Variants in C14orf180 observed in about 807,000 individuals in gnomAD.
C14orf180 encodes nutritionally-regulated adipose and cardiac enriched protein homolog.
Under a neutral mutation model 13.9 loss-of-function variants are expected in C14orf180, and 13 were observed. That is an observed-to-expected ratio of 0.94 (90% CI 0.61 to 1.49). The LOEUF is 1.49. Among genes scored for constraint, C14orf180 ranks in the 40% most tolerant of loss-of-function variants. The probability of loss-of-function intolerance (pLI) is 0.00; values close to 1 mark genes in which losing one functional copy is unlikely to be tolerated. For missense variants in C14orf180, 238 were observed against 232.0 expected, an observed-to-expected ratio of 1.03 and a Z score of -0.17; for synonymous variants, 113 against 106.3, an observed-to-expected ratio of 1.06 and a Z score of -0.39.
Position 104,588,781 on chromosome 14 carries a change from T to C in C14orf180, c.481T>C (p.Ter161ArgextTer24), listed in dbSNP as rs1886738118. 7.2e-6 allele frequency: 11 copies of C among 1,532,866 alleles called. No individual in the cohort carries two copies. Among genetic ancestry groups the C allele is most frequent in the Admixed American group, 2.0e-5 (1 of 50,766 alleles). 95.0% of individuals were successfully genotyped at this position (1,532,866 alleles called of 1,614,324 possible). A position where few individuals can be genotyped will look rare whatever the true frequency, so the allele number is the denominator to read the frequency against. ...CTGCTGGCGCGGCCTCCTGCGGCTC[T>C]GACGGGCAGGACGGGCAGGACGGGC... is the stretch of plus-strand genomic sequence containing the variant. ...LTCWRGLLRL[*>R] The change falls in exon 5 of 5, where the codon TGA (stop) becomes CGA (arginine). Residue 161 changes from the stop codon to arginine, a stop_lost. Transcript: ENST00000557649.
At chr14:104,585,151 C>A (rs1010195685) in intron 1 of C14orf180, among the ~76,000 whole-genome samples, 2 of 152,218 alleles carry the variant, frequency 1.3e-5, no homozygotes, top group East Asian at 3.9e-4. Context: ...AAACACCTGC[C>A]CTGTGAGGGG....
intron 1 of C14orf180, among the ~76,000 whole-genome samples, chr14:104,580,550 G>T (rs758726052): frequency 1.3e-5 from 2 of 152,158 alleles, no homozygotes; most frequent in African/African-American, 4.8e-5. Context: ...GGGCCTTGGT[G>T]GGGGGCATCC....
intron 1 of C14orf180, among the ~76,000 whole-genome samples, chr14:104,586,189 A>C (rs1344418731): frequency 6.6e-6 from 1 of 152,202 alleles, no homozygotes; most frequent in East Asian, 1.9e-4. Flanking sequence ...AGACCGTGGC[A>C]GCAAAGGAAA....
chr14:104,587,757 C>T lies in C14orf180; in HGVS notation c.120C>T (p.Asn40=), dbSNP rs972681427. ...PRVCRAERED[N]RKCPPSILKR... ...TCCCGCCCCCACACCAGGAGGACAA[C>T]AGGAAGTGCCCCCCCTCCATCCTGA... Residue 40 remains asparagine, a synonymous_variant, in exon 3 of 5, where the codon AAC becomes AAT. Transcript: ENST00000557649. 23 of 1,612,520 alleles carry T rather than the reference C, an allele frequency of 1.4e-5. No homozygotes were observed. The highest frequency in any genetic ancestry group is 1.9e-5 in the Non-Finnish European group (23 of 1,179,626).
intron 4 of C14orf180, 111 bp downstream of exon 4, chr14:104,588,420 C>G: frequency 6.5e-7 from 1 of 1,527,694 alleles, no homozygotes; most frequent in South Asian, 1.1e-5. Flanking sequence ...AAGGAGTCCC[C>G]AGTTGGGGAG....
intron 3 of C14orf180, 86 bp downstream of exon 3, chr14:104,587,964 T>G: frequency 1.4e-4 from 206 of 1,462,290 alleles, no homozygotes; most frequent in Non-Finnish European, 1.7e-4. Context: ...CACACAGCTC[T>G]GGCAGGGCCC....
Position 104,588,924 on chromosome 14 carries a change from A to G in C14orf180, c.*141A>G, listed in dbSNP as rs1274508041. On this transcript the variant is annotated 3_prime_UTR_variant, in exon 5 of 5. Transcript: ENST00000557649. ...CTGCTGCCTGAGGGCTAACTAGGAAAAGGGGGACCCCGTGGCGTGAGATCG... is the reference window on the plus strand; with the variant it reads ...CTGCTGCCTGAGGGCTAACTAGGAAGAGGGGGACCCCGTGGCGTGAGATCG... The G allele has an allele frequency of 6.9e-7, 1 of 1,442,560 alleles. No homozygotes were observed. The highest frequency in any genetic ancestry group is 9.1e-7 in the Non-Finnish European group (1 of 1,099,522). The allele number at this position is 1,442,560 out of a possible 1,614,324, so 89.4% of individuals were successfully genotyped here. A position where few individuals can be genotyped will look rare whatever the true frequency, so the allele number is the denominator to read the frequency against.
chr14:104,588,865 C>T lies in C14orf180; in HGVS notation c.*82C>T. On this transcript the variant is annotated 3_prime_UTR_variant, in exon 5 of 5. Transcript: ENST00000557649. ...CTCCGAGACAGCCTGAGCCCTGGCC[C>T]TGCTGCTTGGTGAATCATGGGGGCC... 1 of 1,496,666 alleles carries T rather than the reference C, an allele frequency of 6.7e-7. No homozygotes were observed. Among genetic ancestry groups the T allele is most frequent in the Non-Finnish European group, 8.9e-7 (1 of 1,123,490 alleles). The allele number at this position is 1,496,666 out of a possible 1,614,324, so 92.7% of individuals were successfully genotyped here.
rs1232740755 is a variant in C14orf180 at position 104,587,890 on chromosome 14, C to T, written c.241+12C>T. ...GGTGACCGTCCACTGTAAGAGGGCA[C>T]CCGCAGCAAGCAGCTGGGAGAGGGT... On this transcript the variant is annotated intron_variant, in intron 3 of 4. Transcript: ENST00000557649. 3 of 1,597,048 alleles carry T rather than the reference C, an allele frequency of 1.9e-6. No homozygotes were observed. The highest frequency in any genetic ancestry group is 1.1e-5 in the South Asian group (1 of 89,126).
At chr14:104,583,891 T>A (rs910018605) in intron 1 of C14orf180, among the ~76,000 whole-genome samples, 3 of 151,608 alleles carry the variant, frequency 2.0e-5, no homozygotes, top group Non-Finnish European at 4.4e-5. Context: ...GAAATACAAG[T>A]ACACATATGC....
At chr14:104,585,548 G>A (rs1342035894) in intron 1 of C14orf180, among the ~76,000 whole-genome samples, 1 of 152,246 alleles carries the variant, frequency 6.6e-6, no homozygotes, top group Admixed American at 6.5e-5. Flanking sequence ...CGGGGGTGGA[G>A]GCGAGGAGGC....
Position 104,581,466 on chromosome 14 carries a change from G to A in C14orf180, c.-17+1463G>A, listed in dbSNP as rs1886428465. 3 of 152,258 alleles carry A rather than the reference G, an allele frequency of 2.0e-5. No individual in the cohort carries two copies. In the South Asian group the frequency reaches 6.2e-4, roughly 31 times the overall value. 9.4% of individuals were successfully genotyped at this position (152,258 alleles called of 1,614,324 possible). A position where few individuals can be genotyped will look rare whatever the true frequency, so the allele number is the denominator to read the frequency against. The stretch of plus-strand genomic sequence containing the variant: ...CAGCCGGGGCCCTCAGGGCCGCTGA[G>A]GCCACTGCTCAGTGTCGCCGTAATG... On this transcript the variant is annotated intron_variant, in intron 1 of 4. Coordinates refer to ENST00000557649, the MANE Select transcript of C14orf180 (RefSeq NM_001008404.3).
chr14:104,588,913 C>A lies in C14orf180; in HGVS notation c.*130C>A. ...GCCAAAAGGGGCTGCTGCCTGAGGG[C>A]TAACTAGGAAAAGGGGGACCCCGTG... On this transcript the variant is annotated 3_prime_UTR_variant, in exon 5 of 5. Coordinates refer to ENST00000557649, the MANE Select transcript of C14orf180 (RefSeq NM_001008404.3). 1 of 1,451,770 alleles carries A rather than the reference C, an allele frequency of 6.9e-7. No individual in the cohort carries two copies. The highest frequency in any genetic ancestry group is 9.1e-7 in the Non-Finnish European group (1 of 1,103,646). The allele number at this position is 1,451,770 out of a possible 1,614,324, so 89.9% of individuals were successfully genotyped here.
At chr14:104,583,617 G>A (rs1186531811) in intron 1 of C14orf180, among the ~76,000 whole-genome samples, 3 of 151,980 alleles carry the variant, frequency 2.0e-5, no homozygotes, top group Admixed American at 6.6e-5. Flanking sequence ...GTGCTGTCCC[G>A]TAGGAAGTCC....
rs773770243 is a variant in C14orf180, at chr14:104,588,626, G to C, written c.326G>C (p.Cys109Ser). ...PHGGSLLLQL[C>S]VCVLLVLALG... ...GGCGGCTCCCTGCTCCTGCAGCTGT[G>C]TGTGTGCGTCCTGCTCGTGCTGGCC... The change falls in exon 5 of 5, where the codon TGT (cysteine) becomes TCT (serine). Residue 109 changes from cysteine (C) to serine (S), a missense_variant. Cys to Ser is a moderately radical substitution (Grantham distance 112, BLOSUM62 -1). Coordinates refer to ENST00000557649, the MANE Select transcript of C14orf180 (RefSeq NM_001008404.3). 1.9e-4 allele frequency: 281 copies of C among 1,503,834 alleles called. 2 individuals are homozygous for C. The highest frequency in any genetic ancestry group is 1.7e-5 in the Non-Finnish European group (19 of 1,127,686). The allele number at this position is 1,503,834 out of a possible 1,614,324, so 93.2% of individuals were successfully genotyped here.
chr14:104,588,056 C>T (rs911247689), intron 3 of C14orf180, among the ~76,000 whole-genome samples, 178 bp downstream of exon 3: 1 of 152,220 alleles, frequency 6.6e-6, no homozygotes, highest in Non-Finnish European at 1.5e-5. Flanking sequence ...TCTGGACACA[C>T]AGTCCCGGTC....
chr14:104,588,399 C>T, intron 4 of C14orf180, 90 bp downstream of exon 4: 1 of 1,576,776 alleles, frequency 6.3e-7, no homozygotes, highest in Non-Finnish European at 8.7e-7. Flanking sequence ...TGTCACAGGG[C>T]CAGGGCCTCT....
chr14:104,583,061 C>G (rs1441084135), intron 1 of C14orf180, among the ~76,000 whole-genome samples: 3 of 152,234 alleles, frequency 2.0e-5, no homozygotes, highest in Non-Finnish European at 4.4e-5. Flanking sequence ...AAGCGTGAAG[C>G]CCAGTTAGGG....
At position 104,588,171 on chromosome 14, in the gene C14orf180, A is replaced by G. The variant is rs751712603; in HGVS notation, c.242-103A>G. ...CTGGGCCTGGGTCTCTCACTGATGA[A>G]TAGTCTCAGGGTCCTTCGGGGGTGC... On this transcript the variant is annotated intron_variant, in intron 3 of 4. Transcript: ENST00000557649. 3.9e-4 allele frequency: 551 copies of G among 1,411,198 alleles called. 1 individual carries two copies. The highest frequency in any genetic ancestry group is 5.1e-4 in the Non-Finnish European group (513 of 998,408). The allele number at this position is 1,411,198 out of a possible 1,614,324, so 87.4% of individuals were successfully genotyped here.
Sources: gnomAD v4.1 joint callset for allele counts (sites outside exome capture counted in the v4.1 genomes callset) on GRCh38, gnomAD v4.1.1 for gene constraint, MANE v1.5 for transcripts, NCBI Gene and HGNC (gene_info 2026-07-23, HGNC 2026-07-21) for gene names.